CNTN6: variants seen among roughly 807,000 people sequenced by gnomAD.
CNTN6 encodes the protein contactin 6, also known as contactin-6.
A neutral mutation model predicts 122.8 loss-of-function variants in CNTN6; 137 were observed. The observed-to-expected ratio is 1.12, with a 90% CI of 0.97 to 1.29. The LOEUF (loss-of-function observed/expected upper bound fraction) is 1.29. Among genes scored for constraint, CNTN6 ranks in the 50% most tolerant of loss-of-function variants. The pLI is 0.00. For synonymous variants in CNTN6, 570 were observed against 426.0 expected (o/e 1.34, Z -4.16); for missense variants, 1,634 against 1,223.4 (o/e 1.34, Z -5.01).
At chr3:1,362,149 A>T (rs1017481767) in intron 12 of CNTN6, among the ~76,000 whole-genome samples, 1 of 152,144 alleles carries the variant, frequency 6.6e-6, no homozygotes, top group African/African-American at 2.4e-5. Flanking sequence ...GACTCAATTC[A>T]TATCAGTTTC....
chr3:1,095,948 A>G (rs1392568263), intron 1 of CNTN6, among the ~76,000 whole-genome samples: 2 of 152,086 alleles, frequency 1.3e-5, no homozygotes, highest in African/African-American at 4.8e-5. Context: ...TTTATTTTCA[A>G]TTATTTTTTG....
In CNTN6 at chr3:1,151,567, A is replaced by T. The variant is rs59622618; in HGVS notation, c.55+3504A>T. Among the ~76,000 whole-genome samples, 1,036 of 152,320 alleles carry T rather than the reference A, an allele frequency of 6.8e-3. 12 individuals are homozygous for T. Among genetic ancestry groups the T allele is most frequent in the African/African-American group, 0.024 (1,002 of 41,566 alleles). ...CAGATTCTAAATATTTGCTAAATGAATAAAAGAAAGCAGCTTCATTCACTT... is the reference window on the plus strand; with the variant it reads ...CAGATTCTAAATATTTGCTAAATGATTAAAAGAAAGCAGCTTCATTCACTT... On this transcript the variant is annotated intron_variant, in intron 2 of 22. Transcript: ENST00000446702.
intron 5 of CNTN6, among the ~76,000 whole-genome samples, chr3:1,289,906 C>G (rs999125951): frequency 1.6e-4 from 24 of 152,116 alleles, no homozygotes; most frequent in Non-Finnish European, 2.5e-4. Context: ...GATCTCCTGA[C>G]CTCGTGATCC....
intron 5 of CNTN6, among the ~76,000 whole-genome samples, chr3:1,279,675 G>GAGAACTTTTAAAA (rs1311957419): frequency 6.6e-6 from 1 of 152,142 alleles, no homozygotes; most frequent in Non-Finnish European, 1.5e-5. Flanking sequence ...TCTGGAATGG[G>GAGAACTTTTAAAA]AGAACTTTTA....
intron 2 of CNTN6, among the ~76,000 whole-genome samples, chr3:1,148,826 T>A (rs1336062340): frequency 6.6e-6 from 1 of 152,174 alleles, no homozygotes; most frequent in Non-Finnish European, 1.5e-5. Context: ...ATCTGAGACA[T>A]GACTAGTCTA....
chr3:1,236,120 T>C (rs2094418361), intron 4 of CNTN6, among the ~76,000 whole-genome samples: 1 of 151,956 alleles, frequency 6.6e-6, no homozygotes, highest in Non-Finnish European at 1.5e-5. Flanking sequence ...TCTGGTGGTC[T>C]TTCTCTATGT....
At chr3:1,238,506 C>A (rs1169509112) in intron 4 of CNTN6, among the ~76,000 whole-genome samples, 1 of 152,138 alleles carries the variant, frequency 6.6e-6, no homozygotes, top group East Asian at 1.9e-4. Flanking sequence ...GACTTTAACA[C>A]TCCACTGACA....
intron 12 of CNTN6, among the ~76,000 whole-genome samples, chr3:1,368,052 A>G (rs989489498): frequency 1.3e-5 from 2 of 152,362 alleles, no homozygotes; most frequent in African/African-American, 4.8e-5. Context: ...TGGACATTGC[A>G]ATAAAATCCA....
At chr3:1,375,374 TACTA>T (rs1709711537) in intron 16 of CNTN6, among the ~76,000 whole-genome samples, 2 of 152,070 alleles carry the variant, frequency 1.3e-5, no homozygotes, top group Non-Finnish European at 1.5e-5. Context: ...AGTCAAACTC[TACTA>T]ACTGAAAACC....
intron 3 of CNTN6, among the ~76,000 whole-genome samples, chr3:1,227,051 C>T (rs1449030993): frequency 1.3e-5 from 2 of 152,052 alleles, no homozygotes; most frequent in African/African-American, 4.8e-5. Context: ...ATCAGGTATT[C>T]ATTTGTCTTA....
intron 1 of CNTN6, among the ~76,000 whole-genome samples, chr3:1,102,657 G>A (rs1462502701): frequency 1.3e-5 from 2 of 149,890 alleles, no homozygotes; most frequent in Non-Finnish European, 1.5e-5. Context: ...GAACCCGGGG[G>A]GCGGAGCTTG....
intron 2 of CNTN6, among the ~76,000 whole-genome samples, chr3:1,201,209 G>A (rs532112166): frequency 2.6e-5 from 4 of 151,746 alleles, no homozygotes; most frequent in Non-Finnish European, 1.5e-5. Context: ...CTGAGTTCAA[G>A]TGAACCACTC....
chr3:1,107,411 C>A (rs1004413078), intron 1 of CNTN6, among the ~76,000 whole-genome samples: 1 of 152,040 alleles, frequency 6.6e-6, no homozygotes, highest in Non-Finnish European at 1.5e-5. Flanking sequence ...TTATTCATGG[C>A]AAATCCAAGA....
At chr3:1,180,497 ACT>A (rs757946599) in intron 2 of CNTN6, among the ~76,000 whole-genome samples, 54 of 152,198 alleles carry the variant, frequency 3.5e-4, no homozygotes, top group Middle Eastern at 6.8e-3. Context: ...AATCCTGCTG[ACT>A]CTATTTTTAA....
intron 11 of CNTN6, among the ~76,000 whole-genome samples, chr3:1,336,744 G>C (rs997450368): frequency 1.4e-4 from 21 of 152,074 alleles, no homozygotes; most frequent in Admixed American, 1.4e-3. Flanking sequence ...TTGAACAAGC[G>C]GTGCTTCTTC....
intron 1 of CNTN6, among the ~76,000 whole-genome samples, chr3:1,124,198 C>T (rs1689645146): frequency 6.6e-6 from 1 of 151,908 alleles, no homozygotes; most frequent in Non-Finnish European, 1.5e-5. Flanking sequence ...CCTGGATGTT[C>T]TACAACAGAG....
intron 1 of CNTN6, among the ~76,000 whole-genome samples, chr3:1,103,103 C>T (rs865967204): frequency 1.3e-5 from 2 of 151,844 alleles, no homozygotes; most frequent in South Asian, 4.1e-4. Flanking sequence ...CAGACTCCGT[C>T]TCAAAAAATA....
At chr3:1,287,581 T>TC (rs1316383533) in intron 5 of CNTN6, among the ~76,000 whole-genome samples, 4 of 151,812 alleles carry the variant, frequency 2.6e-5, no homozygotes, top group African/African-American at 9.7e-5. Flanking sequence ...GAGATAAGAG[T>TC]CGGTAGGACT....
chr3:1,350,413 T>C (rs996240451), intron 11 of CNTN6, among the ~76,000 whole-genome samples: 1 of 151,932 alleles, frequency 6.6e-6, no homozygotes, highest in African/African-American at 2.4e-5. Flanking sequence ...AACTTCATTC[T>C]CTCCTACTTA....
Sources: allele counts gnomAD v4.1 joint callset (sites outside exome capture counted in the v4.1 genomes callset), GRCh38; gene constraint gnomAD v4.1.1; transcripts MANE v1.5; gene names NCBI Gene and HGNC (gene_info 2026-07-23, HGNC 2026-07-21).